TOP2B: variants seen among roughly 807,000 people sequenced by gnomAD.
The protein encoded by TOP2B is DNA topoisomerase II beta, also known as DNA topoisomerase 2-beta.
A neutral mutation model predicts 193.5 loss-of-function variants in TOP2B; 51 were observed. The observed-to-expected ratio is 0.26, with a 90% CI of 0.21 to 0.33. The LOEUF is 0.33. Among genes scored for constraint, TOP2B ranks in the 10% least tolerant of loss-of-function variants. The probability of loss-of-function intolerance (pLI) is 1.00; values close to 1 mark genes in which losing one functional copy is unlikely to be tolerated. For missense variants in TOP2B, 1,378 were observed against 1,909.3 expected, an observed-to-expected ratio of 0.72 and a Z score of 5.19; for synonymous variants, 634 against 635.7, an observed-to-expected ratio of 1.00 and a Z score of 0.04.
intron 1 of TOP2B, among the ~76,000 whole-genome samples, chr3:25,646,257 T>C (rs1169925148): frequency 6.6e-6 from 1 of 152,212 alleles, no homozygotes; most frequent in Non-Finnish European, 1.5e-5. Flanking sequence ...TATTAACCTA[T>C]GTAGTTAATA....
chr3:25,643,457 G>C (rs1703320307), intron 3 of TOP2B, among the ~76,000 whole-genome samples: 1 of 151,794 alleles, frequency 6.6e-6, no homozygotes, highest in Non-Finnish European at 1.5e-5. Context: ...ACCAACTATG[G>C]GATTACAAAT....
At chr3:25,648,698 CAAAACAA>C (rs1703484700) in intron 1 of TOP2B, among the ~76,000 whole-genome samples, 1 of 151,258 alleles carries the variant, frequency 6.6e-6, no homozygotes, top group Non-Finnish European at 1.5e-5. Flanking sequence ...TCTAGCAAAA[CAAAACAA>C]AAAAAAATTA....
At chr3:25,612,421 C>T (rs886200812) in intron 28 of TOP2B, 94 bp downstream of exon 28, 1 of 923,028 alleles carries the variant, frequency 1.1e-6, no homozygotes. Context: ...TTGAATAAAA[C>T]AAAGCATGAT....
intron 7 of TOP2B, among the ~76,000 whole-genome samples, chr3:25,635,690 A>T (rs1703088229): frequency 6.6e-6 from 1 of 152,138 alleles, no homozygotes; most frequent in South Asian, 2.1e-4. Flanking sequence ...AAATAGACAA[A>T]GCATGCAAGA....
intron 31 of TOP2B, among the ~76,000 whole-genome samples, 199 bp from the exon 32 acceptor site, chr3:25,606,321 T>TG (rs1702236458): frequency 6.6e-6 from 1 of 152,116 alleles, no homozygotes. Context: ...CACATACCCA[T>TG]GATCCATGTG....
At chr3:25,612,455 A>T in intron 28 of TOP2B, 60 bp downstream of exon 28, 1 of 1,328,872 alleles carries the variant, frequency 7.5e-7, no homozygotes, top group Non-Finnish European at 1.0e-6. Context: ...AAAATTTTTT[A>T]AATTATACAT....
intron 27 of TOP2B, among the ~76,000 whole-genome samples, chr3:25,613,202 G>T (rs1702421052): frequency 6.6e-6 from 1 of 152,094 alleles, no homozygotes; most frequent in Non-Finnish European, 1.5e-5. Context: ...TTGAACTCAG[G>T]CAGGTCTATG....
chr3:25,648,163 G>A (rs934847681), intron 1 of TOP2B, among the ~76,000 whole-genome samples: 2 of 152,202 alleles, frequency 1.3e-5, no homozygotes, highest in African/African-American at 2.4e-5. Context: ...ATTGAACAGG[G>A]TGCCAGGTTG....
chr3:25,606,018 C>G, intron 32 of TOP2B, 25 bp downstream of exon 32: 2 of 1,315,424 alleles, frequency 1.5e-6, no homozygotes, highest in Middle Eastern at 3.8e-4. Flanking sequence ...ATACAATAAC[C>G]AATGAAAAGA....
intron 1 of TOP2B, among the ~76,000 whole-genome samples, chr3:25,658,106 T>C (rs1703805636): frequency 6.8e-6 from 1 of 147,478 alleles, no homozygotes; most frequent in Non-Finnish European, 1.5e-5. Context: ...CGGGCGCCTG[T>C]AGTCCCAGCT....
Position 25,629,796 on chromosome 3 carries a change from C to T in TOP2B, c.1689+233G>A, listed in dbSNP as rs116770026. On this transcript the variant is annotated intron_variant, in intron 13 of 35. Transcript: ENST00000264331. ...AATTTTGTTCCTACTTGTAGGTAGG[C>T]TGCTATAGTACCACACTGTATTATA... Among the ~76,000 whole-genome samples, 522 of 152,258 alleles carry T rather than the reference C, an allele frequency of 3.4e-3. 3 individuals are homozygous for T. The highest frequency in any genetic ancestry group is 0.011 in the African/African-American group (457 of 41,568).
chr3:25,626,006 T>A (rs893463486), intron 18 of TOP2B, among the ~76,000 whole-genome samples: 5 of 152,026 alleles, frequency 3.3e-5, no homozygotes, highest in Admixed American at 1.3e-4. Flanking sequence ...AAACATCTGC[T>A]ATTACCAGAA....
At chr3:25,650,055 T>A (rs900732718) in intron 1 of TOP2B, among the ~76,000 whole-genome samples, 6 of 152,102 alleles carry the variant, frequency 3.9e-5, no homozygotes, top group Non-Finnish European at 8.8e-5. Flanking sequence ...TTTAAAGATT[T>A]AAGATTAGTA....
intron 1 of TOP2B, among the ~76,000 whole-genome samples, chr3:25,656,454 A>T (rs893879642): frequency 6.6e-6 from 1 of 152,106 alleles, no homozygotes; most frequent in African/African-American, 2.4e-5. Flanking sequence ...TAAATAAATA[A>T]ATAGATAAAA....
At chr3:25,599,654 T>G (rs2125339151) in intron 34 of TOP2B, 125 bp from the exon 35 acceptor site, 2 of 823,406 alleles carry the variant, frequency 2.4e-6, no homozygotes, top group East Asian at 5.5e-5. Flanking sequence ...CCTGATCTCT[T>G]ACTATGAGTG....
rs748961968 is a variant in TOP2B, at chr3:25,598,303, G to A, written c.*4C>T. On this transcript the variant is annotated 3_prime_UTR_variant, in exon 36 of 36. Coordinates refer to ENST00000264331, the MANE Select transcript of TOP2B (RefSeq NM_001330700.2). ...GTTGAAAAATGTTTGTGCTCTTTGG[G>A]CACTTAATTAAACATTGCAAAATCA... 7.5e-6 allele frequency: 12 copies of A among 1,600,164 alleles called. No individual in the cohort carries two copies. The highest frequency in any genetic ancestry group is 8.5e-6 in the Non-Finnish European group (10 of 1,171,582).
At chr3:25,657,410 G>T (rs1703777070) in intron 1 of TOP2B, among the ~76,000 whole-genome samples, 1 of 152,136 alleles carries the variant, frequency 6.6e-6, no homozygotes, top group Admixed American at 6.5e-5. Context: ...CTCCCTTGCT[G>T]TTATCATCAC....
intron 21 of TOP2B, among the ~76,000 whole-genome samples, chr3:25,622,768 G>A (rs1205440543): frequency 6.6e-6 from 1 of 151,794 alleles, no homozygotes; most frequent in Non-Finnish European, 1.5e-5. Flanking sequence ...TGCCTCCCAA[G>A]TAGCTGGGAT....
chr3:25,604,578 T>C (rs995727698), intron 33 of TOP2B, among the ~76,000 whole-genome samples, 182 bp downstream of exon 33: 3 of 152,202 alleles, frequency 2.0e-5, no homozygotes, highest in Non-Finnish European at 2.9e-5. Context: ...TAAAATTAAG[T>C]CTTACAGAAA....
Sources: allele counts gnomAD v4.1 joint callset (sites outside exome capture counted in the v4.1 genomes callset), GRCh38; gene constraint gnomAD v4.1.1; transcripts MANE v1.5; gene names NCBI Gene and HGNC (gene_info 2026-07-23, HGNC 2026-07-21).